The following GRIK1 variants were observed in gnomAD, a reference collection of about 807,000 sequenced individuals.
GRIK1 encodes glutamate receptor ionotropic, kainate 1.
GRIK1 carries 69 observed loss-of-function variants against 105.7 expected under a neutral mutation model. The observed-to-expected ratio is 0.65, with a 90% CI of 0.54 to 0.80. GRIK1 has a LOEUF of 0.80. GRIK1 is among the 30% of genes least tolerant of loss of function. The pLI is 0.00. For synonymous variants in GRIK1, 438 were observed against 431.3 expected (o/e 1.02, Z -0.19); for missense variants, 1,109 against 1,167.3 (o/e 0.95, Z 0.73).
intron 4 of GRIK1, among the ~76,000 whole-genome samples, chr21:29,670,000 G>A (rs779651669): frequency 4.6e-5 from 7 of 152,068 alleles, no homozygotes; most frequent in Admixed American, 1.3e-4. Context: ...CCAATATCCC[G>A]TTTCAAGCAC....
At chr21:29,679,666 C>A (rs1041243522) in intron 3 of GRIK1, among the ~76,000 whole-genome samples, 1 of 152,198 alleles carries the variant, frequency 6.6e-6, no homozygotes, top group African/African-American at 2.4e-5. Flanking sequence ...ACAACTCCAT[C>A]CTTTGGCTCA....
intron 1 of GRIK1, among the ~76,000 whole-genome samples, chr21:29,710,777 CTCCCTCCCTCCCTCCTTCCTTCCT>C (rs1389980550): frequency 1.4e-3 from 51 of 36,586 alleles, no homozygotes; most frequent in Middle Eastern, 9.6e-3. Flanking sequence ...CCGTCCCTCC[CTCCCTCCCTCCCTCCTTCCTTCCT>C]TCCTTCCTTC....
intron 2 of GRIK1, 33 bp downstream of exon 2, chr21:29,693,863 C>G (rs974519746): frequency 5.8e-6 from 9 of 1,549,108 alleles, no homozygotes; most frequent in Non-Finnish European, 7.1e-6. Flanking sequence ...ACATATCACC[C>G]AAAGAAGCTT....
chr21:29,708,789 C>T (rs1222513118), intron 1 of GRIK1, among the ~76,000 whole-genome samples: 1 of 152,140 alleles, frequency 6.6e-6, no homozygotes, highest in Admixed American at 6.5e-5. Context: ...TTTTAATCCT[C>T]TTTTTAAAAT....
chr21:29,824,830 A>T (rs981225354), intron 1 of GRIK1, among the ~76,000 whole-genome samples: 1 of 152,022 alleles, frequency 6.6e-6, no homozygotes, highest in Non-Finnish European at 1.5e-5. Context: ...GGTCGACTTT[A>T]ACAGCATCCC....
Position 29,694,039 on chromosome 21 carries a change from T to A in GRIK1, c.143A>T (p.Asn48Ile). The A allele has an allele frequency of 6.2e-7, 1 of 1,613,126 alleles. No homozygotes were observed. The highest frequency in any genetic ancestry group is 1.3e-5 in the African/African-American group (1 of 75,008). Reference sequence around the variant, plus strand: ...TAATTCTTCAACATTAACAGGCTCATTTTCCACTGTTTCAAAAATCCCTCC... The same window carrying A: ...TAATTCTTCAACATTAACAGGCTCAATTTCCACTGTTTCAAAAATCCCTCC... ...RIGGIFETVENEPVNVEELAF... is the reference protein window; with the variant it reads ...RIGGIFETVEIEPVNVEELAF... Residue 48 changes from asparagine (N) to isoleucine (I), a missense_variant, in exon 2 of 18, where the codon AAT becomes ATT. Asn to Ile is a moderately radical substitution (Grantham distance 149). This residue lies in a region of GRIK1 where 612 missense variants were observed against 586.0 expected (regional missense o/e 1.04). Coordinates refer to ENST00000327783, the MANE Select transcript of GRIK1 (RefSeq NM_001330994.2).
chr21:29,824,080 T>C (rs1024308136), intron 1 of GRIK1, among the ~76,000 whole-genome samples: 15 of 151,796 alleles, frequency 9.9e-5, no homozygotes, highest in African/African-American at 3.1e-4. Flanking sequence ...GGGGTGGTGG[T>C]GACTTGGGTG....
At chr21:29,836,697 T>C (rs2067816335) in intron 1 of GRIK1, among the ~76,000 whole-genome samples, 1 of 152,144 alleles carries the variant, frequency 6.6e-6, no homozygotes, top group Admixed American at 6.5e-5. Context: ...ACAGACACTA[T>C]CATAAGCCCA....
rs570891333 is a variant in GRIK1 at position 29,905,466 on chromosome 21, GAC to G, written c.118+33915_118+33916del. Among the ~76,000 whole-genome samples the G allele has an allele frequency of 4.7e-4, 70 of 150,424 alleles. 1 individual carries two copies. The South Asian group carries it at 0.014, about 29-fold the overall frequency. Reference sequence around the variant, plus strand: ...TTATATTATTTATTAATTTATTTGAGACACAGTTTCACTCTTCCACCCAGGCT... The same window carrying G: ...TTATATTATTTATTAATTTATTTGAGACAGTTTCACTCTTCCACCCAGGCT... On this transcript the variant is annotated intron_variant, in intron 1 of 17. Transcript: ENST00000327783.
At chr21:29,939,335 G>A in intron 1 of GRIK1, 48 bp downstream of exon 1, 1 of 1,131,610 alleles carries the variant, frequency 8.8e-7, no homozygotes, top group Admixed American at 2.0e-5. Flanking sequence ...CCGCGTTGGT[G>A]CGGCGACCGA....
chr21:29,757,715 A>G (rs1250990182), intron 1 of GRIK1, among the ~76,000 whole-genome samples: 1 of 152,218 alleles, frequency 6.6e-6, no homozygotes, highest in Non-Finnish European at 1.5e-5. Context: ...GGGTTTTTCA[A>G]CTTCTGCATT....
At chr21:29,562,443 G>A (rs1190293110) in intron 14 of GRIK1, among the ~76,000 whole-genome samples, 1 of 152,162 alleles carries the variant, frequency 6.6e-6, no homozygotes. Context: ...TCACATAAAG[G>A]TTAGGAGTTC....
intron 1 of GRIK1, chr21:29,758,831 G>T (rs2065425805): frequency 6.5e-6 from 1 of 152,674 alleles, no homozygotes; most frequent in African/African-American, 2.4e-5. Flanking sequence ...TTCTCTTCAG[G>T]TTCTTCAGGC....
intron 1 of GRIK1, among the ~76,000 whole-genome samples, chr21:29,801,845 A>G (rs886511989): frequency 1.3e-5 from 2 of 152,156 alleles, no homozygotes; most frequent in African/African-American, 4.8e-5. Flanking sequence ...CAATTCTTTG[A>G]CGACTCTACC....
intron 1 of GRIK1, among the ~76,000 whole-genome samples, chr21:29,853,517 A>C (rs1473769817): frequency 1.3e-5 from 2 of 152,212 alleles, no homozygotes; most frequent in African/African-American, 4.8e-5. Flanking sequence ...TCCAGTGGAG[A>C]ATCATTTCAG....
At chr21:29,777,149 A>C (rs2065968095) in intron 1 of GRIK1, among the ~76,000 whole-genome samples, 1 of 152,142 alleles carries the variant, frequency 6.6e-6, no homozygotes, top group Non-Finnish European at 1.5e-5. Context: ...AGATTAATAT[A>C]AATTCTGGAG....
At chr21:29,575,776 G>A (rs1322804674) in intron 14 of GRIK1, among the ~76,000 whole-genome samples, 5 of 152,146 alleles carry the variant, frequency 3.3e-5, no homozygotes, top group South Asian at 2.1e-4. Context: ...AGGTTGCAGC[G>A]AGCCAAGATC....
intron 14 of GRIK1, among the ~76,000 whole-genome samples, chr21:29,573,677 C>T (rs1475890403): frequency 6.6e-6 from 1 of 151,904 alleles, no homozygotes; most frequent in African/African-American, 2.4e-5. Flanking sequence ...TGGTGAAACC[C>T]CAACTCTATT....
chr21:29,912,494 C>G (rs1280127852), intron 1 of GRIK1, among the ~76,000 whole-genome samples: 1 of 152,042 alleles, frequency 6.6e-6, no homozygotes, highest in Non-Finnish European at 1.5e-5. Context: ...GGCCAGAAGC[C>G]CCTCTCAGGT....
Sources: allele counts gnomAD v4.1 joint callset (sites outside exome capture counted in the v4.1 genomes callset), GRCh38; gene constraint gnomAD v4.1.1; regional missense constraint gnomAD v4.1.1; transcripts MANE v1.5; gene names NCBI Gene and HGNC (gene_info 2026-07-23, HGNC 2026-07-21).